The following TENM2 variants were observed in gnomAD, a reference collection of about 807,000 sequenced individuals.
The protein encoded by TENM2 is teneurin transmembrane protein 2.
TENM2 carries 52 observed loss-of-function variants against 245.2 expected under a neutral mutation model. That is an observed-to-expected ratio of 0.21 (90% CI 0.17 to 0.27). TENM2 has a LOEUF of 0.27. TENM2 is among the 10% of genes least tolerant of loss of function. The pLI is 1.00. For missense variants in TENM2, 3,046 were observed against 3,666.8 expected (o/e 0.83, Z 4.37); for synonymous variants, 1,363 against 1,438.9 (o/e 0.95, Z 1.19).
At chr5:167,536,253 A>G (rs1771834068) in intron 2 of TENM2, among the ~76,000 whole-genome samples, 1 of 152,160 alleles carries the variant, frequency 6.6e-6, no homozygotes, top group Non-Finnish European at 1.5e-5. Flanking sequence ...GCATGTGGCT[A>G]CAAATAAATA....
chr5:167,221,436 C>G, the TENM2 span, among the ~76,000 whole-genome samples: 2 of 152,158 alleles, frequency 1.3e-5, no homozygotes, highest in Admixed American at 1.3e-4. Context: ...TACTCATGTG[C>G]AAAAGCAGGT....
the TENM2 span, among the ~76,000 whole-genome samples, chr5:167,047,661 T>C: frequency 6.6e-6 from 1 of 152,162 alleles, no homozygotes; most frequent in African/African-American, 2.4e-5. Context: ...TCTTTTGAGA[T>C]TTCAAAAACC....
chr5:167,482,158 C>T lies in TENM2; in HGVS notation c.502+106685C>T, dbSNP rs1300657360. Among the ~76,000 whole-genome samples the T allele has an allele frequency of 4.6e-5, 7 of 152,276 alleles. No individual in the cohort carries two copies. The East Asian group carries it at 1.4e-3, about 29-fold the overall frequency. ...GCTGCAGGATATAATTGGAAACTCT[C>T]CTTAATTTTTATCACCTGGATATGA... On this transcript the variant is annotated intron_variant, in intron 2 of 28. Coordinates refer to ENST00000518659, the Ensembl canonical transcript of TENM2.
intron 2 of TENM2, among the ~76,000 whole-genome samples, chr5:167,742,127 C>G (rs1245318543): frequency 6.6e-6 from 1 of 152,132 alleles, no homozygotes; most frequent in Non-Finnish European, 1.5e-5. Flanking sequence ...CTGTCATAAG[C>G]CTAGAGTTTT....
At chr5:167,376,061 C>T (rs983957645) in intron 2 of TENM2, among the ~76,000 whole-genome samples, 1 of 152,218 alleles carries the variant, frequency 6.6e-6, no homozygotes, top group East Asian at 1.9e-4. Context: ...ATGGTTTCCC[C>T]CATCTTCTGT....
intron 2 of TENM2, among the ~76,000 whole-genome samples, chr5:167,849,406 T>C (rs1770363700): frequency 6.6e-6 from 1 of 152,178 alleles, no homozygotes; most frequent in Non-Finnish European, 1.5e-5. Flanking sequence ...CAATCATTTT[T>C]TCTCTCTCCA....
the TENM2 span, among the ~76,000 whole-genome samples, chr5:167,277,158 G>A: frequency 6.6e-6 from 1 of 151,792 alleles, no homozygotes; most frequent in Non-Finnish European, 1.5e-5. Context: ...CATTGAGTAT[G>A]TCTTTTTCTT....
At chr5:167,073,331 T>C in the TENM2 span, among the ~76,000 whole-genome samples, 1 of 152,206 alleles carries the variant, frequency 6.6e-6, no homozygotes, top group Non-Finnish European at 1.5e-5. Flanking sequence ...GCCAGCTGAA[T>C]TGTACATCGA....
intron 13 of TENM2, among the ~76,000 whole-genome samples, chr5:168,170,533 A>AGGAG (rs962214799): frequency 6.6e-6 from 1 of 152,108 alleles, no homozygotes; most frequent in Non-Finnish European, 1.5e-5. Context: ...AGAGAAAGAC[A>AGGAG]GGAGGGAGGG....
chr5:167,677,673 A>C (rs527559503), intron 2 of TENM2, among the ~76,000 whole-genome samples: 22 of 150,712 alleles, frequency 1.5e-4, no homozygotes, highest in African/African-American at 4.8e-4. Flanking sequence ...GCGACCATTT[A>C]GTTCCAAAAT....
At chr5:167,219,754 G>T in the TENM2 span, among the ~76,000 whole-genome samples, 5 of 152,166 alleles carry the variant, frequency 3.3e-5, no homozygotes, top group Non-Finnish European at 7.3e-5. Context: ...CTATGAAAAA[G>T]CACTCCCTTT....
the TENM2 span, among the ~76,000 whole-genome samples, chr5:167,204,209 G>T: frequency 6.6e-6 from 1 of 151,964 alleles, no homozygotes; most frequent in Admixed American, 6.6e-5. Flanking sequence ...AGGGGTAATG[G>T]CCTGAAACTA....
At chr5:167,038,675 A>G in the TENM2 span, among the ~76,000 whole-genome samples, 4 of 152,196 alleles carry the variant, frequency 2.6e-5, no homozygotes, top group East Asian at 1.9e-4. Flanking sequence ...CTTGTGGCCA[A>G]TAGGAGCAGT....
intron 2 of TENM2, among the ~76,000 whole-genome samples, chr5:167,531,103 C>T (rs929759252): frequency 1.3e-5 from 2 of 152,186 alleles, no homozygotes; most frequent in Non-Finnish European, 2.9e-5. Context: ...TCTTGCTAAG[C>T]ATTGGAAGTG....
At chr5:167,450,227 A>G (rs1371840185) in intron 2 of TENM2, among the ~76,000 whole-genome samples, 2 of 152,104 alleles carry the variant, frequency 1.3e-5, no homozygotes, top group East Asian at 3.9e-4. Flanking sequence ...GGGTCTTGGT[A>G]CCTGCTTTCC....
intron 2 of TENM2, among the ~76,000 whole-genome samples, chr5:167,726,415 G>T (rs186302648): frequency 2.2e-4 from 34 of 152,152 alleles, no homozygotes; most frequent in African/African-American, 7.7e-4. Flanking sequence ...GTGAATAGGC[G>T]AGGCCCCTTC....
intron 2 of TENM2, among the ~76,000 whole-genome samples, chr5:167,391,660 A>G (rs1272216477): frequency 6.7e-6 from 1 of 148,432 alleles, no homozygotes; most frequent in African/African-American, 2.5e-5. Flanking sequence ...ACTCTCAAGG[A>G]TTTCTAACTT....
At chr5:167,202,802 A>G in the TENM2 span, among the ~76,000 whole-genome samples, 1 of 152,086 alleles carries the variant, frequency 6.6e-6, no homozygotes, top group African/African-American at 2.4e-5. Context: ...TCTGAGATCC[A>G]TCCTTCCCTT....
intron 5 of TENM2, among the ~76,000 whole-genome samples, chr5:168,029,097 G>A (rs1224542268): frequency 6.6e-6 from 1 of 152,166 alleles, no homozygotes; most frequent in Non-Finnish European, 1.5e-5. Context: ...GATTCAGTGA[G>A]GGCTCGATTT....
Sources: allele counts gnomAD v4.1 joint callset (sites outside exome capture counted in the v4.1 genomes callset), GRCh38; gene constraint gnomAD v4.1.1; transcripts MANE v1.5; gene names NCBI Gene and HGNC (gene_info 2026-07-23, HGNC 2026-07-21).